The following PDE4D variants were observed in gnomAD, a reference collection of about 807,000 sequenced individuals.
PDE4D encodes 3',5'-cyclic-AMP phosphodiesterase 4D.
Under a neutral mutation model 87.4 loss-of-function variants are expected in PDE4D, and 24 were observed. The ratio of observed to expected loss-of-function variants is 0.27; its 90% CI spans 0.20 to 0.39. PDE4D has a LOEUF of 0.39. Ranked by LOEUF, PDE4D falls within the 10% of genes least tolerant of loss-of-function variation. The pLI is 1.00. For missense variants in PDE4D, 714 were observed against 1,041.0 expected (o/e 0.69, Z 4.32); for synonymous variants, 384 against 383.2 (o/e 1.00, Z -0.02).
At chr5:60,272,486 G>A (rs545861304) in intron 1 of PDE4D, among the ~76,000 whole-genome samples, 1 of 152,338 alleles carries the variant, frequency 6.6e-6, no homozygotes, top group East Asian at 1.9e-4. Context: ...AGATCACACA[G>A]GTCTGCAGAT....
chr5:59,372,330 A>C (rs982303767), intron 1 of PDE4D, among the ~76,000 whole-genome samples: 3 of 152,242 alleles, frequency 2.0e-5, no homozygotes, highest in African/African-American at 7.2e-5. Flanking sequence ...GAGGATATAA[A>C]CTTTAAACTC....
intron 2 of PDE4D, among the ~76,000 whole-genome samples, chr5:60,161,638 T>C (rs930050472): frequency 1.3e-5 from 2 of 152,170 alleles, no homozygotes; most frequent in Admixed American, 6.5e-5. Context: ...AGCCCTATGA[T>C]TGAAACATGC....
chr5:59,035,745 C>T (rs1758397628), intron 6 of PDE4D, among the ~76,000 whole-genome samples: 1 of 152,194 alleles, frequency 6.6e-6, no homozygotes, highest in South Asian at 2.1e-4. Context: ...CATAATTCAA[C>T]TTCCAGGTTT....
chr5:59,467,820 C>T (rs1040596104), intron 1 of PDE4D, among the ~76,000 whole-genome samples: 6 of 152,058 alleles, frequency 3.9e-5, no homozygotes, highest in Non-Finnish European at 7.4e-5. Flanking sequence ...TTTCATTTAT[C>T]CAGATTATAC....
At chr5:60,493,984 T>G (rs1382662396) in intron 1 of PDE4D, among the ~76,000 whole-genome samples, 1 of 152,166 alleles carries the variant, frequency 6.6e-6, no homozygotes. Flanking sequence ...GCTTTAAAAT[T>G]GAAACATAGG....
At chr5:59,753,406 G>A (rs563399658) in intron 1 of PDE4D, among the ~76,000 whole-genome samples, 1 of 152,114 alleles carries the variant, frequency 6.6e-6, no homozygotes, top group South Asian at 2.1e-4. Flanking sequence ...CAGATAAACA[G>A]AAGTAGAAAA....
At chr5:58,998,878 A>C (rs1026608117) in intron 6 of PDE4D, among the ~76,000 whole-genome samples, 1 of 152,188 alleles carries the variant, frequency 6.6e-6, no homozygotes, top group Non-Finnish European at 1.5e-5. Context: ...AAGCCTGCCA[A>C]GCATGGACAC....
At chr5:60,140,551 GAA>G (rs59594399) in intron 2 of PDE4D, among the ~76,000 whole-genome samples, 108 of 140,880 alleles carry the variant, frequency 7.7e-4, no homozygotes, top group Middle Eastern at 3.6e-3. Context: ...AATAAAAGGA[GAA>G]AAAAAAAAAA....
intron 1 of PDE4D, among the ~76,000 whole-genome samples, chr5:59,594,724 G>A (rs983889435): frequency 6.6e-6 from 1 of 152,120 alleles, no homozygotes; most frequent in Non-Finnish European, 1.5e-5. Context: ...AAAGAACACA[G>A]TTTAAAGAGA....
At chr5:59,041,576 T>C (rs1481683773) in intron 5 of PDE4D, among the ~76,000 whole-genome samples, 1 of 152,230 alleles carries the variant, frequency 6.6e-6, no homozygotes, top group Admixed American at 6.5e-5. Context: ...TGCATAACCA[T>C]TGTGTCTGGG....
chr5:60,313,715 G>C (rs6865747), intron 1 of PDE4D, among the ~76,000 whole-genome samples: 13,409 of 151,716 alleles, frequency 0.088, 1,946 homozygotes, highest in African/African-American at 0.31. Context: ...GTCCTGGATC[G>C]AACAGGACAT....
intron 1 of PDE4D, among the ~76,000 whole-genome samples, chr5:59,583,566 C>G (rs1459069223): frequency 1.3e-5 from 2 of 152,210 alleles, no homozygotes; most frequent in Non-Finnish European, 2.9e-5. Context: ...AATGTAGCTT[C>G]AAAGAAGAAA....
chr5:60,039,197 A>T lies in PDE4D; in HGVS notation c.43-50480T>A, dbSNP rs200495368. The stretch of plus-strand genomic sequence containing the variant: ...GACTTGGAACCAACCCAAATGTCCA[A>T]GAATGATAGACTGGATTAAGAAAAT... On this transcript the variant is annotated intron_variant, in intron 2 of 16. Coordinates refer to the PDE4D transcript ENST00000502484. Among the ~76,000 whole-genome samples, 68 of 152,308 alleles carry T rather than the reference A, an allele frequency of 4.5e-4. 1 individual carries two copies. Among genetic ancestry groups the T allele is most frequent in the African/African-American group, 1.2e-3 (51 of 41,558 alleles).
chr5:60,243,686 A>C (rs2149665047), intron 1 of PDE4D, among the ~76,000 whole-genome samples: 1 of 152,198 alleles, frequency 6.6e-6, no homozygotes. Context: ...GTGATAGATC[A>C]TATCAACAGA....
At chr5:59,488,352 A>G (rs1805545195) in intron 1 of PDE4D, among the ~76,000 whole-genome samples, 2 of 152,182 alleles carry the variant, frequency 1.3e-5, no homozygotes, top group Admixed American at 1.3e-4. Flanking sequence ...GCAAGCCGAG[A>G]AAGAAATAGA....
chr5:60,416,074 G>A (rs1742511759), intron 1 of PDE4D, among the ~76,000 whole-genome samples: 1 of 152,070 alleles, frequency 6.6e-6, no homozygotes, highest in African/African-American at 2.4e-5. Flanking sequence ...AGCACTCTGT[G>A]TCTAGCTCAG....
intron 1 of PDE4D, among the ~76,000 whole-genome samples, chr5:59,660,614 T>C (rs1034127117): frequency 2.0e-5 from 3 of 152,156 alleles, no homozygotes; most frequent in Admixed American, 6.5e-5. Flanking sequence ...TAAGGCTTTG[T>C]TTTCAAGGAT....
chr5:59,364,602 T>G (rs575526080), intron 1 of PDE4D, among the ~76,000 whole-genome samples: 10 of 152,154 alleles, frequency 6.6e-5, no homozygotes, highest in Non-Finnish European at 1.3e-4. Context: ...AGAAACAAAA[T>G]TATAACTATG....
chr5:59,013,885 C>CA (rs1405675567), intron 6 of PDE4D, among the ~76,000 whole-genome samples: 1 of 152,132 alleles, frequency 6.6e-6, no homozygotes, highest in Non-Finnish European at 1.5e-5. Flanking sequence ...AACATCGATG[C>CA]AAAAATCCTT....
Sources: allele counts gnomAD v4.1 joint callset (sites outside exome capture counted in the v4.1 genomes callset), GRCh38; gene constraint gnomAD v4.1.1; transcripts MANE v1.5; gene names NCBI Gene and HGNC (gene_info 2026-07-23, HGNC 2026-07-21).